Variants in HS3ST4 observed in about 807,000 individuals in gnomAD.
The protein encoded by HS3ST4 is heparan sulfate-glucosamine 3-sulfotransferase 4.
HS3ST4 carries 17 observed loss-of-function variants against 29.2 expected under a neutral mutation model. The observed-to-expected ratio is 0.58, with a 90% CI of 0.40 to 0.87. The LOEUF (loss-of-function observed/expected upper bound fraction) is 0.87. HS3ST4 is among the 40% of genes least tolerant of loss of function. The pLI, the probability that HS3ST4 is intolerant of heterozygous loss-of-function variation, is 0.00. For synonymous variants in HS3ST4, 314 were observed against 285.7 expected (o/e 1.10, Z -1.00); for missense variants, 627 against 634.5 (o/e 0.99, Z 0.13).
chr16:26,115,432 A>C (rs138948946), intron 1 of HS3ST4, among the ~76,000 whole-genome samples: 3 of 152,222 alleles, frequency 2.0e-5, no homozygotes, highest in Non-Finnish European at 2.9e-5. Flanking sequence ...GTGTTCAGCT[A>C]TGAAACTAAT....
chr16:25,878,040 T>C (rs1473080239), intron 1 of HS3ST4, among the ~76,000 whole-genome samples: 1 of 152,190 alleles, frequency 6.6e-6, no homozygotes. Context: ...AGCTTATAGG[T>C]TGTGGTTAAA....
In HS3ST4 at chr16:25,696,846, C is replaced by CCATTGTGGCAATTGGTGCTA. The variant is rs527836593; in HGVS notation, c.734+3697_734+3716dup. On this transcript the variant is annotated intron_variant, in intron 1 of 1. Coordinates refer to ENST00000331351, the MANE Select transcript of HS3ST4 (RefSeq NM_006040.3). ...TTCATTGGTGTTTACCGAATGCCTG[C>CCATTGTGGCAATTGGTGCTA]CATTGTGGCAATTGGTGCTACCTAC... 8.3e-4 allele frequency among the ~76,000 whole-genome samples: 126 copies of CCATTGTGGCAATTGGTGCTA among 152,296 alleles called. 3 individuals are homozygous for CCATTGTGGCAATTGGTGCTA. In the South Asian group the frequency reaches 0.025, roughly 30 times the overall value.
rs568395553 is a variant in HS3ST4, at chr16:25,940,683, G to A, written c.735-194929G>A. 1.4e-4 allele frequency among the ~76,000 whole-genome samples: 22 copies of A among 152,290 alleles called. No individual in the cohort carries two copies. The South Asian group carries it at 1.5e-3, about 10-fold the overall frequency. The stretch of plus-strand genomic sequence containing the variant: ...AAGAACTATGCACAGATCATAATTC[G>A]AGGTTAGGGAGAGTACTCCAGTTCT... On this transcript the variant is annotated intron_variant, in intron 1 of 1. Transcript: ENST00000331351.
chr16:25,895,349 T>C (rs1463489747), intron 1 of HS3ST4, among the ~76,000 whole-genome samples: 2 of 152,122 alleles, frequency 1.3e-5, no homozygotes, highest in Non-Finnish European at 2.9e-5. Flanking sequence ...GGGGACGACA[T>C]ATGAGGACGA....
At position 25,992,901 on chromosome 16, in the gene HS3ST4, G is replaced by A. The variant is rs141522047; in HGVS notation, c.735-142711G>A. Among the ~76,000 whole-genome samples the A allele has an allele frequency of 5.2e-3, 788 of 152,310 alleles. 7 individuals carry two copies. Among genetic ancestry groups the A allele is most frequent in the African/African-American group, 0.016 (680 of 41,564 alleles). On this transcript the variant is annotated intron_variant, in intron 1 of 1. Transcript: ENST00000331351. ...GCTTTGGCTTGATTGAGGGTGAAGC[G>A]ATGCCAGATGCCACCAGGACATGAT...
intron 1 of HS3ST4, among the ~76,000 whole-genome samples, chr16:26,014,835 A>G (rs1019489371): frequency 2.6e-5 from 4 of 152,180 alleles, no homozygotes; most frequent in African/African-American, 9.7e-5. Flanking sequence ...TACCATCATA[A>G]TATACAAGCA....
chr16:25,776,969 A>G (rs753533609), intron 1 of HS3ST4, among the ~76,000 whole-genome samples: 9 of 152,200 alleles, frequency 5.9e-5, no homozygotes, highest in Non-Finnish European at 1.0e-4. Context: ...TATCCCCAAT[A>G]TGCATGCCCT....
intron 1 of HS3ST4, among the ~76,000 whole-genome samples, chr16:26,030,644 C>A (rs1024437651): frequency 1.3e-5 from 2 of 152,138 alleles, no homozygotes; most frequent in African/African-American, 4.8e-5. Context: ...CATACCTAGG[C>A]ACCATACACC....
chr16:26,084,257 A>G (rs1046720583), intron 1 of HS3ST4, among the ~76,000 whole-genome samples: 5 of 152,166 alleles, frequency 3.3e-5, no homozygotes, highest in African/African-American at 1.2e-4. Context: ...CAGACTTAAT[A>G]TGTTTAATCC....
chr16:26,109,211 G>A (rs1899095431), intron 1 of HS3ST4, among the ~76,000 whole-genome samples: 1 of 152,150 alleles, frequency 6.6e-6, no homozygotes, highest in South Asian at 2.1e-4. Context: ...ACCTTCCAGG[G>A]TGGCTGTGGC....
chr16:25,809,454 A>G (rs768900060), intron 1 of HS3ST4, among the ~76,000 whole-genome samples: 14 of 152,182 alleles, frequency 9.2e-5, no homozygotes, highest in African/African-American at 1.4e-4. Flanking sequence ...CATCTAGTTC[A>G]TGTGAAGTAT....
At chr16:25,849,321 T>C (rs1042666277) in intron 1 of HS3ST4, among the ~76,000 whole-genome samples, 7 of 152,162 alleles carry the variant, frequency 4.6e-5, no homozygotes, top group African/African-American at 1.2e-4. Context: ...CATGAACATA[T>C]CTGTGTCTAA....
At chr16:25,861,184 A>G (rs530910918) in intron 1 of HS3ST4, among the ~76,000 whole-genome samples, 4 of 152,204 alleles carry the variant, frequency 2.6e-5, no homozygotes, top group Non-Finnish European at 4.4e-5. Flanking sequence ...AGGGGCATCC[A>G]TCTTCCTAGT....
intron 1 of HS3ST4, among the ~76,000 whole-genome samples, chr16:25,869,932 G>A (rs1967732043): frequency 6.6e-6 from 1 of 152,092 alleles, no homozygotes; most frequent in Admixed American, 6.5e-5. Context: ...AAGTAACTTG[G>A]CCAAGATGCA....
intron 1 of HS3ST4, among the ~76,000 whole-genome samples, chr16:25,723,798 A>G (rs1966512396): frequency 6.6e-6 from 1 of 152,182 alleles, no homozygotes; most frequent in Non-Finnish European, 1.5e-5. Context: ...GAATATTTCT[A>G]AATCACCTAC....
intron 1 of HS3ST4, among the ~76,000 whole-genome samples, chr16:25,955,865 A>G (rs573551987): frequency 1.6e-4 from 24 of 145,770 alleles, no homozygotes; most frequent in Non-Finnish European, 2.7e-4. Flanking sequence ...CCCAGGTTGG[A>G]GTGCAGTGGT....
chr16:25,789,853 G>A (rs1966865055), intron 1 of HS3ST4, among the ~76,000 whole-genome samples: 2 of 152,128 alleles, frequency 1.3e-5, no homozygotes, highest in Non-Finnish European at 2.9e-5. Context: ...CTTGTGTCTG[G>A]TTTAATAGTC....
chr16:25,742,223 G>T (rs1190289509), intron 1 of HS3ST4, among the ~76,000 whole-genome samples: 1 of 152,158 alleles, frequency 6.6e-6, no homozygotes, highest in Non-Finnish European at 1.5e-5. Flanking sequence ...TGTCACATTG[G>T]TTTCATTTAT....
At chr16:25,693,226 C>G in intron 1 of HS3ST4, 75 bp downstream of exon 1, 1 of 1,428,582 alleles carries the variant, frequency 7.0e-7, no homozygotes, top group Non-Finnish European at 9.3e-7. Flanking sequence ...CTTTCCACGC[C>G]CTTCGAGCAT....
Sources: allele counts gnomAD v4.1 joint callset (sites outside exome capture counted in the v4.1 genomes callset), GRCh38; gene constraint gnomAD v4.1.1; transcripts MANE v1.5; gene names NCBI Gene and HGNC (gene_info 2026-07-23, HGNC 2026-07-21).